Variants in LRRC2 observed in about 807,000 individuals in gnomAD.
LRRC2 encodes the protein leucine-rich repeat-containing protein 2.
In LRRC2, 27 loss-of-function variants were observed where a neutral mutation model predicts 40.2. That is an observed-to-expected ratio of 0.67 (90% confidence interval 0.49 to 0.93). The LOEUF is 0.93. Ranked by LOEUF, LRRC2 falls within the 40% of genes least tolerant of loss-of-function variation. The pLI, the probability that LRRC2 is intolerant of heterozygous loss-of-function variation, is 0.00. For missense variants in LRRC2, 402 were observed against 439.6 expected (o/e 0.91, Z 0.76); for synonymous variants, 147 against 158.9 (o/e 0.92, Z 0.56).
intron 7 of LRRC2, among the ~76,000 whole-genome samples, chr3:46,522,799 A>G (rs1411223783): frequency 1.5e-5 from 2 of 135,828 alleles, no homozygotes; most frequent in East Asian, 2.1e-4. Flanking sequence ...ACACACACAC[A>G]CACACACACA....
intron 3 of LRRC2, among the ~76,000 whole-genome samples, chr3:46,539,697 C>T (rs1388053343): frequency 6.6e-6 from 1 of 152,172 alleles, no homozygotes; most frequent in East Asian, 1.9e-4. Context: ...GCTGGGACAC[C>T]TGAGTTCCGG....
At chr3:46,531,462 C>A (rs1264888604) in intron 5 of LRRC2, among the ~76,000 whole-genome samples, 2 of 152,110 alleles carry the variant, frequency 1.3e-5, no homozygotes, top group Non-Finnish European at 2.9e-5. Context: ...AGATGACAGA[C>A]AACACTGTCT....
chr3:46,552,959 T>C (rs1212834270), intron 1 of LRRC2, among the ~76,000 whole-genome samples: 1 of 152,192 alleles, frequency 6.6e-6, no homozygotes, highest in Admixed American at 6.5e-5. Context: ...AAATGAAACA[T>C]GAGAGGCCCA....
At chr3:46,551,716 A>T in intron 1 of LRRC2, 106 bp from the exon 2 acceptor site, 4 of 505,316 alleles carry the variant, frequency 7.9e-6, no homozygotes, top group Non-Finnish European at 3.1e-6. Flanking sequence ...TTAAGGAATG[A>T]TGATATGCCT....
intron 8 of LRRC2, 51 bp downstream of exon 8, chr3:46,521,471 A>C: frequency 1.4e-6 from 2 of 1,382,388 alleles, no homozygotes; most frequent in Non-Finnish European, 1.9e-6. Flanking sequence ...GTATTACATA[A>C]GTGGACGTCT....
chr3:46,545,673 C>T lies in LRRC2; in HGVS notation c.126-420G>A, dbSNP rs143323854. On this transcript the variant is annotated intron_variant, in intron 2 of 8. Coordinates refer to ENST00000395905, the MANE Select transcript of LRRC2 (RefSeq NM_024512.5). ...ATCAGCCACCTTGGGGAATTTTATT[C>T]CTGTAGATGGACCTGAGGTCCACTC... is the stretch of plus-strand genomic sequence containing the variant. Among the ~76,000 whole-genome samples the T allele has an allele frequency of 4.2e-3, 647 of 152,312 alleles. 10 individuals are homozygous for T. Among genetic ancestry groups the T allele is most frequent in the African/African-American group, 0.015 (609 of 41,566 alleles).
intron 3 of LRRC2, among the ~76,000 whole-genome samples, chr3:46,544,649 A>T (rs1301621981): frequency 6.6e-6 from 1 of 152,254 alleles, no homozygotes; most frequent in Non-Finnish European, 1.5e-5. Context: ...AAAACCAGAT[A>T]AAGGATCTGC....
At chr3:46,526,984 C>T (rs1288866225) in intron 7 of LRRC2, among the ~76,000 whole-genome samples, 1 of 152,252 alleles carries the variant, frequency 6.6e-6, no homozygotes, top group Non-Finnish European at 1.5e-5. Flanking sequence ...TCCACTTCCA[C>T]ATCCCCAGAT....
intron 4 of LRRC2, among the ~76,000 whole-genome samples, chr3:46,535,974 C>T (rs1313558485): frequency 1.3e-5 from 2 of 152,158 alleles, no homozygotes; most frequent in Non-Finnish European, 2.9e-5. Context: ...ATGACTTGCT[C>T]AAGGTTACCT....
chr3:46,554,661 G>C (rs1039195562), intron 1 of LRRC2, among the ~76,000 whole-genome samples: 3 of 144,966 alleles, frequency 2.1e-5, no homozygotes, highest in African/African-American at 7.7e-5. Context: ...AAAAAAAGAA[G>C]AAGAAGAATT....
rs1703877800 is a variant in LRRC2 at position 46,517,229 on chromosome 3, A to C, written c.*1785T>G. On this transcript the variant is annotated 3_prime_UTR_variant, in exon 9 of 9. Coordinates refer to ENST00000395905, the MANE Select transcript of LRRC2 (RefSeq NM_024512.5). The stretch of plus-strand genomic sequence containing the variant: ...ACCACAGAGGAGATGATTCATATAA[A>C]AATATGCCACTATATGCATATTTTC... 1 of 151,976 alleles carries C rather than the reference A, an allele frequency of 6.6e-6. No individual in the cohort carries two copies. The highest frequency in any genetic ancestry group is 1.5e-5 in the Non-Finnish European group (1 of 68,002). 9.4% of individuals were successfully genotyped at this position (151,976 alleles called of 1,614,324 possible).
intron 1 of LRRC2, 110 bp from the exon 2 acceptor site, chr3:46,551,720 T>C: frequency 1.7e-6 from 1 of 604,080 alleles, no homozygotes; most frequent in Non-Finnish European, 2.6e-6. Flanking sequence ...GGAATGATGA[T>C]ATGCCTTACT....
chr3:46,554,632 ACT>A (rs1704746097), intron 1 of LRRC2, among the ~76,000 whole-genome samples: 1 of 133,586 alleles, frequency 7.5e-6, no homozygotes, highest in Non-Finnish European at 1.6e-5. Context: ...ACAGAGCAAG[ACT>A]CTGTCTTAAA....
At position 46,518,900 on chromosome 3, in the gene LRRC2, T is replaced by C; in HGVS notation, c.*114A>G. ...CCATTTTTTTTAGCAACTATGATAG[T>C]GGTTTCTAGACTTTGTCCTTAAGCA... On this transcript the variant is annotated 3_prime_UTR_variant, in exon 9 of 9. Transcript: ENST00000395905. 1.3e-6 allele frequency: 1 copy of C among 754,696 alleles called. No homozygotes were observed. The highest frequency in any genetic ancestry group is 2.3e-6 in the Non-Finnish European group (1 of 434,032). 46.7% of individuals were successfully genotyped at this position (754,696 alleles called of 1,614,324 possible). A position where few individuals can be genotyped will look rare whatever the true frequency, so the allele number is the denominator to read the frequency against.
intron 7 of LRRC2, among the ~76,000 whole-genome samples, chr3:46,526,765 C>G (rs1327509876): frequency 6.6e-6 from 1 of 152,222 alleles, no homozygotes; most frequent in Non-Finnish European, 1.5e-5. Context: ...GCCAATAGGT[C>G]TCTGGACAGA....
At position 46,539,067 on chromosome 3, in the gene LRRC2, G is replaced by C. The variant is rs1191011362; in HGVS notation, c.468C>G (p.Ile156Met). Residue 156 changes from isoleucine to methionine, a missense_variant, in exon 4 of 9, where the codon ATC (isoleucine) becomes ATG (methionine). Coordinates refer to ENST00000395905, the MANE Select transcript of LRRC2 (RefSeq NM_024512.5). ...TACCGATTTCTGCTGGAAGATGTGA[G>C]ATTTGGTTTTTTGGCAGATCCAGAA... ...MRILDLPKNQ[I>M]SHLPAEIGCL... 4 of 1,613,872 alleles carry C rather than the reference G, an allele frequency of 2.5e-6. No homozygotes were observed. Among genetic ancestry groups the C allele is most frequent in the Non-Finnish European group, 2.5e-6 (3 of 1,179,926 alleles).
rs1466659632 is a variant in LRRC2 at position 46,515,729 on chromosome 3, A to G, written c.*3285T>C. 6 of 152,186 alleles carry G rather than the reference A, an allele frequency of 3.9e-5. No homozygotes were observed. Among genetic ancestry groups the G allele is most frequent in the Non-Finnish European group, 1.5e-5 (1 of 68,024 alleles). The allele number at this position is 152,186 out of a possible 1,614,324, so 9.4% of individuals were successfully genotyped here. On this transcript the variant is annotated 3_prime_UTR_variant, in exon 9 of 9. Coordinates refer to ENST00000395905, the MANE Select transcript of LRRC2 (RefSeq NM_024512.5). ...CTGATTTTATTAAAATAAAATTTACATAAATTATGAACAGTCTATTTGTAT... is the reference window on the plus strand; with the variant it reads ...CTGATTTTATTAAAATAAAATTTACGTAAATTATGAACAGTCTATTTGTAT...
rs908501970 is a variant in LRRC2 at position 46,516,087 on chromosome 3, G to A, written c.*2927C>T. 3.3e-5 allele frequency: 5 copies of A among 151,410 alleles called. No individual in the cohort carries two copies. Among genetic ancestry groups the A allele is most frequent in the African/African-American group, 1.2e-4 (5 of 40,996 alleles). 9.4% of individuals were successfully genotyped at this position (151,410 alleles called of 1,614,324 possible). On this transcript the variant is annotated 3_prime_UTR_variant, in exon 9 of 9. Transcript: ENST00000395905. ...CAATTCTCCTGCCTCAGCCTCCTGA[G>A]TAGCTGGGATTACGGGTGCCCACCA...
In LRRC2 at chr3:46,539,080, G is replaced by T; in HGVS notation, c.455C>A (p.Pro152Gln). 6.2e-7 allele frequency: 1 copy of T among 1,613,232 alleles called. No homozygotes were observed. Among genetic ancestry groups the T allele is most frequent in the Non-Finnish European group, 8.5e-7 (1 of 1,179,772 alleles). Residue 152 changes from proline (P) to glutamine (Q), a missense_variant, in exon 4 of 9, where the codon CCA (proline) becomes CAA (glutamine). Transcript: ENST00000395905. ...LFQAMRILDLPKNQISHLPAE... is the reference protein window; with the variant it reads ...LFQAMRILDLQKNQISHLPAE... ...TGGAAGATGTGAGATTTGGTTTTTTGGCAGATCCAGAATTCTCATCGCTTG... is the reference window on the plus strand; with the variant it reads ...TGGAAGATGTGAGATTTGGTTTTTTTGCAGATCCAGAATTCTCATCGCTTG...
Sources: allele counts gnomAD v4.1 joint callset (sites outside exome capture counted in the v4.1 genomes callset), GRCh38; gene constraint gnomAD v4.1.1; transcripts MANE v1.5; gene names NCBI Gene and HGNC (gene_info 2026-07-23, HGNC 2026-07-21).